KCTD8: variants seen among roughly 807,000 people sequenced by gnomAD.
KCTD8 encodes the protein potassium channel tetramerization domain containing 8.
A neutral mutation model predicts 31.5 loss-of-function variants in KCTD8; 27 were observed. The ratio of observed to expected loss-of-function variants is 0.86; its 90% CI spans 0.63 to 1.18. KCTD8 has a LOEUF of 1.18. KCTD8 is among the 50% of genes most tolerant of loss of function. KCTD8 has a pLI of 0.00. For synonymous variants in KCTD8, 290 were observed against 280.0 expected (o/e 1.04, Z -0.36); for missense variants, 658 against 647.7 (o/e 1.02, Z -0.17).
At chr4:44,409,739 A>AT (rs1720905351) in intron 1 of KCTD8, among the ~76,000 whole-genome samples, 2 of 152,040 alleles carry the variant, frequency 1.3e-5, no homozygotes, top group African/African-American at 4.8e-5. Context: ...CATCTTTCCT[A>AT]TTTTAAAAAC....
At chr4:44,430,816 A>C (rs1264315367) in intron 1 of KCTD8, among the ~76,000 whole-genome samples, 4 of 151,588 alleles carry the variant, frequency 2.6e-5, no homozygotes, top group Non-Finnish European at 5.9e-5. Context: ...TCCCTTAGGC[A>C]CTAACCACTG....
intron 1 of KCTD8, among the ~76,000 whole-genome samples, chr4:44,196,088 C>T (rs1489822652): frequency 6.6e-6 from 1 of 152,204 alleles, no homozygotes; most frequent in Non-Finnish European, 1.5e-5. Flanking sequence ...AGGCCACATC[C>T]TTTGTGCCAA....
intron 1 of KCTD8, among the ~76,000 whole-genome samples, chr4:44,299,014 A>C (rs1717527709): frequency 6.6e-6 from 1 of 152,206 alleles, no homozygotes. Context: ...TATTATTACA[A>C]GCTTCTTTGA....
intron 1 of KCTD8, among the ~76,000 whole-genome samples, chr4:44,436,786 A>G (rs1378024659): frequency 6.6e-6 from 1 of 152,044 alleles, no homozygotes; most frequent in African/African-American, 2.4e-5. Flanking sequence ...CATACTAGAA[A>G]CTTTAAAAAA....
chr4:44,270,321 C>T (rs1336224430), intron 1 of KCTD8, among the ~76,000 whole-genome samples: 2 of 140,230 alleles, frequency 1.4e-5, no homozygotes, highest in African/African-American at 2.6e-5. Context: ...TGTTCTCACT[C>T]ATAGATGGGA....
In KCTD8 at chr4:44,276,450, T is replaced by C. The variant is rs556881342; in HGVS notation, c.962-101200A>G. Among the ~76,000 whole-genome samples, 4 of 152,102 alleles carry C rather than the reference T, an allele frequency of 2.6e-5. No homozygotes were observed. The East Asian group carries it at 7.7e-4, about 29-fold the overall frequency. Reference sequence around the variant, plus strand: ...TGTATTCCTTTTTTAAATAATTATCTAAGGATTCAAAATTGTTTAAATTTG... The same window carrying C: ...TGTATTCCTTTTTTAAATAATTATCCAAGGATTCAAAATTGTTTAAATTTG... On this transcript the variant is annotated intron_variant, in intron 1 of 1. Coordinates refer to ENST00000360029, the MANE Select transcript of KCTD8 (RefSeq NM_198353.3).
chr4:44,299,915 C>T lies in KCTD8; in HGVS notation c.962-124665G>A, dbSNP rs34250691. 8.6e-5 allele frequency among the ~76,000 whole-genome samples: 13 copies of T among 151,830 alleles called. No individual in the cohort carries two copies. In the East Asian group the frequency reaches 2.2e-3, roughly 26 times the overall value. On this transcript the variant is annotated intron_variant, in intron 1 of 1. Transcript: ENST00000360029. ...TACAGGCACCCGCCACCACGCCCGG[C>T]TAATTTTTTGTATTTTTAGTAGAGA...
chr4:44,269,174 T>C (rs1238251286), intron 1 of KCTD8, among the ~76,000 whole-genome samples: 1 of 152,180 alleles, frequency 6.6e-6, no homozygotes, highest in African/African-American at 2.4e-5. Context: ...AACAGCATGG[T>C]ACTGATACCA....
intron 1 of KCTD8, among the ~76,000 whole-genome samples, chr4:44,302,516 G>C (rs1373097863): frequency 2.0e-5 from 3 of 152,014 alleles, no homozygotes; most frequent in Admixed American, 6.6e-5. Context: ...TTGGCTCTCT[G>C]TTTGTCTGTT....
intron 1 of KCTD8, among the ~76,000 whole-genome samples, chr4:44,323,485 A>G (rs112839601): frequency 0.42 from 57,284 of 135,506 alleles, 13,098 homozygotes; most frequent in Middle Eastern, 0.57. Flanking sequence ...CAAGAGTGAA[A>G]CTCCATCCCC....
At chr4:44,299,559 T>C (rs1717542548) in intron 1 of KCTD8, among the ~76,000 whole-genome samples, 1 of 151,996 alleles carries the variant, frequency 6.6e-6, no homozygotes, top group South Asian at 2.1e-4. Flanking sequence ...TGAAACTCCA[T>C]CTTTCTAAAC....
At chr4:44,295,069 G>C (rs1717388999) in intron 1 of KCTD8, among the ~76,000 whole-genome samples, 2 of 152,122 alleles carry the variant, frequency 1.3e-5, no homozygotes, top group South Asian at 4.1e-4. Flanking sequence ...GAGGCAGGGG[G>C]ATCCCTTGAG....
chr4:44,199,123 C>A (rs1271834539), intron 1 of KCTD8, among the ~76,000 whole-genome samples: 2 of 152,060 alleles, frequency 1.3e-5, no homozygotes, highest in East Asian at 3.8e-4. Flanking sequence ...TATATACACC[C>A]AACAGTGGAG....
chr4:44,424,075 T>G (rs1222396260), intron 1 of KCTD8, among the ~76,000 whole-genome samples: 1 of 152,062 alleles, frequency 6.6e-6, no homozygotes, highest in Non-Finnish European at 1.5e-5. Flanking sequence ...GCACAATGGG[T>G]TCTAGTTTGA....
At chr4:44,388,189 T>G (rs755433543) in intron 1 of KCTD8, among the ~76,000 whole-genome samples, 5 of 151,820 alleles carry the variant, frequency 3.3e-5, no homozygotes, top group Non-Finnish European at 7.4e-5. Flanking sequence ...TGGCTACTAT[T>G]AAAAAGTCAA....
At chr4:44,336,402 A>T (rs1718745918) in intron 1 of KCTD8, among the ~76,000 whole-genome samples, 1 of 151,770 alleles carries the variant, frequency 6.6e-6, no homozygotes, top group South Asian at 2.1e-4. Context: ...CCACCCAATT[A>T]GAAAATCAAG....
At chr4:44,443,185 T>C (rs906595970) in intron 1 of KCTD8, among the ~76,000 whole-genome samples, 7 of 152,242 alleles carry the variant, frequency 4.6e-5, no homozygotes, top group Admixed American at 1.3e-4. Context: ...GCCATGTGGC[T>C]GCAGAGAAAA....
At chr4:44,211,961 T>C (rs907997740) in intron 1 of KCTD8, among the ~76,000 whole-genome samples, 1 of 152,180 alleles carries the variant, frequency 6.6e-6, no homozygotes, top group African/African-American at 2.4e-5. Flanking sequence ...AGTTTTCCTC[T>C]TTTTTACCTA....
rs560015534 is a variant in KCTD8 at position 44,427,307 on chromosome 4, G to GA, written c.961+20255dup. Among the ~76,000 whole-genome samples the GA allele has an allele frequency of 2.8e-4, 43 of 151,104 alleles. No homozygotes were observed. The South Asian group carries it at 8.8e-3, about 31-fold the overall frequency. ...TCATATAAAATACCGAATTTCAGGG[G>GA]AATCACAAAATTATAAGAAGTCTAA... On this transcript the variant is annotated intron_variant, in intron 1 of 1. Transcript: ENST00000360029.
Sources: allele counts gnomAD v4.1 joint callset (sites outside exome capture counted in the v4.1 genomes callset), GRCh38; gene constraint gnomAD v4.1.1; transcripts MANE v1.5; gene names NCBI Gene and HGNC (gene_info 2026-07-23, HGNC 2026-07-21).